GNL3L: variants seen among roughly 807,000 people sequenced by gnomAD.
GNL3L encodes G protein nucleolar 3 like, also known as guanine nucleotide-binding protein-like 3-like protein.
Under a neutral mutation model 42.9 loss-of-function variants are expected in GNL3L, and 4 were observed. The observed-to-expected ratio is 0.09, with a 90% CI of 0.05 to 0.21. The LOEUF (loss-of-function observed/expected upper bound fraction) is 0.21. GNL3L is among the 10% of genes least tolerant of loss of function. GNL3L has a pLI of 1.00. For missense variants in GNL3L, 412 were observed against 481.7 expected, an observed-to-expected ratio of 0.86 and a Z score of 1.36; for synonymous variants, 159 against 176.3, an observed-to-expected ratio of 0.90 and a Z score of 0.78.
At chrX:54,587,787 TCTC>T (rs1287515603) in intron 16 of GNL3L, among the ~76,000 whole-genome samples, 1 of 110,298 alleles carries the variant, frequency 9.1e-6, no homozygotes, top group Admixed American at 9.7e-5. Flanking sequence ...TTCAAGCGAT[TCTC>T]CTGCCTCACC....
chrX:54,624,337 T>C (rs1926327261), downstream of GNL3L, among the ~76,000 whole-genome samples: 1 of 111,503 alleles, frequency 9.0e-6, no homozygotes, highest in Non-Finnish European at 1.9e-5. Context: ...TACCATAGGC[T>C]GGGTGGCTTA....
At chrX:54,622,445 C>T (rs1358551777), downstream of GNL3L, among the ~76,000 whole-genome samples, 4 of 106,817 alleles carry the variant, frequency 3.7e-5, no homozygotes, top group South Asian at 4.2e-4. Flanking sequence ...CCACCATGCC[C>T]GGCTAATTTT....
intron 16 of GNL3L, among the ~76,000 whole-genome samples, chrX:54,613,207 TTG>T (rs1179848639): frequency 9.0e-6 from 1 of 111,693 alleles, no homozygotes; most frequent in Non-Finnish European, 1.9e-5. Flanking sequence ...TCTCTTCTAC[TTG>T]TCCGGTTCTA....
chrX:54,583,229 G>A lies in GNL3L; in HGVS notation c.*45+22582G>A, dbSNP rs191591766. Among the ~76,000 whole-genome samples the A allele has an allele frequency of 2.3e-4, 25 of 110,664 alleles. 1 individual carries two copies. The highest frequency in any genetic ancestry group is 7.5e-4 in the African/African-American group (23 of 30,464). On this transcript the variant is annotated intron_variant, in intron 16 of 16. Transcript: ENST00000674498. ...TTTTTTGAGACAGAGTTTTACTCTT[G>A]TTGCCTAAGCGGGAGTGCAATGGCA...
At chrX:54,579,508 C>T (rs1925677848) in intron 16 of GNL3L, among the ~76,000 whole-genome samples, 1 of 111,843 alleles carries the variant, frequency 8.9e-6, no homozygotes, top group Admixed American at 9.5e-5. Context: ...CTCAGCCTCC[C>T]AAGTAGCTGG....
At chrX:54,614,021 G>A (rs1162316582) in intron 16 of GNL3L, among the ~76,000 whole-genome samples, 2 of 110,756 alleles carry the variant, frequency 1.8e-5, no homozygotes, top group Non-Finnish European at 3.8e-5. Context: ...CACTACCAGG[G>A]TGGATAGGGA....
the GNL3L span, among the ~76,000 whole-genome samples, chrX:54,642,487 G>A: frequency 5.4e-5 from 6 of 111,163 alleles, no homozygotes; most frequent in Non-Finnish European, 1.1e-4. Context: ...AACACGCCAA[G>A]GTTGTTCTCA....
At chrX:54,607,270 C>A (rs1431785392) in intron 16 of GNL3L, among the ~76,000 whole-genome samples, 1 of 97,753 alleles carries the variant, frequency 1.0e-5, no homozygotes, top group African/African-American at 3.8e-5. Context: ...AATGAAATTT[C>A]TAAAGACTGC....
chrX:54,602,352 A>G (rs1221363771), intron 16 of GNL3L, among the ~76,000 whole-genome samples: 1 of 110,843 alleles, frequency 9.0e-6, no homozygotes, highest in Admixed American at 9.6e-5. Context: ...ATATCTTTTC[A>G]TGTGCTTATT....
Position 54,554,117 on chromosome X carries a change from G to C in GNL3L, c.1319-448G>C, listed in dbSNP as rs1925017665. Among the ~76,000 whole-genome samples, 3 of 110,859 alleles carry C rather than the reference G, an allele frequency of 2.7e-5. 1 individual carries two copies. The Admixed American group carries it at 2.9e-4, about 11-fold the overall frequency. On this transcript the variant is annotated intron_variant, in intron 13 of 15. Coordinates refer to ENST00000360845, the MANE Select transcript of GNL3L (RefSeq NM_001184819.2). ...GAATAGGGGCAAAATTATAGAAGCAGGCATGAGGGTAGTGGGGCACAGGGC... is the reference window on the plus strand; with the variant it reads ...GAATAGGGGCAAAATTATAGAAGCACGCATGAGGGTAGTGGGGCACAGGGC...
chrX:54,532,240 C>T (rs371493983), intron 1 of GNL3L, among the ~76,000 whole-genome samples: 2 of 109,207 alleles, frequency 1.8e-5, no homozygotes, highest in African/African-American at 6.7e-5. Context: ...CCCATCTGAC[C>T]CCATTTGACC....
chrX:54,583,445 C>T (rs781372037), intron 16 of GNL3L, among the ~76,000 whole-genome samples: 7 of 110,449 alleles, frequency 6.3e-5, no homozygotes, highest in African/African-American at 9.9e-5. Context: ...CCACCTGCCT[C>T]GGCCTCCTAA....
the GNL3L span, among the ~76,000 whole-genome samples, chrX:54,638,733 A>G: frequency 8.9e-6 from 1 of 112,168 alleles, no homozygotes; most frequent in Non-Finnish European, 1.9e-5. Context: ...TACAGCCGTC[A>G]GCCACCATGC....
At chrX:54,582,094 T>A (rs1389377865) in intron 16 of GNL3L, among the ~76,000 whole-genome samples, 2 of 111,818 alleles carry the variant, frequency 1.8e-5, no homozygotes, top group Non-Finnish European at 3.8e-5. Context: ...ATGAGAGGTG[T>A]TTGGGTCATG....
At chrX:54,617,692 G>C (rs1306249857) in intron 16 of GNL3L, among the ~76,000 whole-genome samples, 1 of 111,363 alleles carries the variant, frequency 9.0e-6, no homozygotes, top group Non-Finnish European at 1.9e-5. Context: ...TCATAAATGG[G>C]ATTAGTACCT....
chrX:54,535,511 C>T (rs1252954361), intron 2 of GNL3L, among the ~76,000 whole-genome samples: 1 of 111,783 alleles, frequency 8.9e-6, no homozygotes, highest in East Asian at 2.8e-4. Flanking sequence ...AAACAATCCT[C>T]CATCGGTAAT....
At chrX:54,544,371 G>A in intron 8 of GNL3L, 45 bp downstream of exon 8, 1 of 690,559 alleles carries the variant, frequency 1.4e-6, no homozygotes, top group Non-Finnish European at 2.3e-6. Flanking sequence ...AGGGTAGTTT[G>A]GGGCCAGAGC....
chrX:54,550,159 A>T (rs1424400898), intron 9 of GNL3L, among the ~76,000 whole-genome samples: 1 of 108,707 alleles, frequency 9.2e-6, no homozygotes, highest in Non-Finnish European at 1.9e-5. Flanking sequence ...TGAGTGGGAG[A>T]GATACAAGAA....
the GNL3L span, among the ~76,000 whole-genome samples, chrX:54,633,539 C>T: frequency 2.7e-5 from 3 of 111,215 alleles, no homozygotes; most frequent in Non-Finnish European, 5.7e-5. Flanking sequence ...CAGGGTTAGG[C>T]AAGTCTGAGC....
Sources: gnomAD v4.1 joint callset for allele counts (sites outside exome capture counted in the v4.1 genomes callset) on GRCh38, gnomAD v4.1.1 for gene constraint, MANE v1.5 for transcripts, NCBI Gene and HGNC (gene_info 2026-07-23, HGNC 2026-07-21) for gene names.